Variants in TNR observed in about 807,000 individuals in gnomAD.
TNR encodes tenascin R, also known as tenascin-R.
TNR carries 45 observed loss-of-function variants against 150.4 expected under a neutral mutation model. That is an observed-to-expected ratio of 0.30 (90% CI 0.24 to 0.38). The LOEUF (loss-of-function observed/expected upper bound fraction) is 0.38, where lower values mean the gene tolerates loss of function less well. Ranked by LOEUF, TNR falls within the 10% of genes least tolerant of loss-of-function variation. TNR has a pLI of 1.00. For missense variants in TNR, 1,544 were observed against 1,759.1 expected, an observed-to-expected ratio of 0.88 and a Z score of 2.19; for synonymous variants, 687 against 678.4, an observed-to-expected ratio of 1.01 and a Z score of -0.20.
At chr1:175,404,904 G>C (rs937934627) in intron 3 of TNR, among the ~76,000 whole-genome samples, 1 of 152,210 alleles carries the variant, frequency 6.6e-6, no homozygotes, top group African/African-American at 2.4e-5. Flanking sequence ...TTGGTTATTG[G>C]GAGGAGAAGG....
intron 1 of TNR, among the ~76,000 whole-genome samples, chr1:175,564,696 G>C (rs1041055926): frequency 3.9e-5 from 6 of 152,064 alleles, no homozygotes; most frequent in Non-Finnish European, 8.8e-5. Flanking sequence ...AGGTCAGCTG[G>C]AGACTGGGGC....
chr1:175,492,602 G>A (rs973530793), intron 2 of TNR, among the ~76,000 whole-genome samples: 4 of 152,126 alleles, frequency 2.6e-5, no homozygotes, highest in Admixed American at 2.6e-4. Flanking sequence ...TGATTTTTGG[G>A]GGGCCTGAGA....
At chr1:175,331,176 TC>T (rs1203963134) in intron 20 of TNR, among the ~76,000 whole-genome samples, 7 of 55,394 alleles carry the variant, frequency 1.3e-4, no homozygotes, top group African/African-American at 3.8e-4. Flanking sequence ...CTTCCTTCCT[TC>T]CTTCCTTCCT....
At chr1:175,545,960 A>G (rs572292832) in intron 1 of TNR, among the ~76,000 whole-genome samples, 338 of 152,174 alleles carry the variant, frequency 2.2e-3, no homozygotes, top group African/African-American at 7.6e-3. Context: ...GTGTGCCTCC[A>G]AAGGAGAAAG....
At chr1:175,720,680 T>C (rs1042120665) in intron 1 of TNR, among the ~76,000 whole-genome samples, 3 of 152,210 alleles carry the variant, frequency 2.0e-5, no homozygotes, top group African/African-American at 7.2e-5. Flanking sequence ...TAGATTTTAA[T>C]GTGCAACAAG....
intron 1 of TNR, among the ~76,000 whole-genome samples, chr1:175,685,801 A>C (rs1439678342): frequency 6.6e-6 from 1 of 152,068 alleles, no homozygotes; most frequent in Non-Finnish European, 1.5e-5. Context: ...TTCATTGGGA[A>C]ATAGCTAACA....
At position 175,668,314 on chromosome 1, in the gene TNR, G is replaced by C. The variant is rs114017006; in HGVS notation, c.-165+74912C>G. On this transcript the variant is annotated intron_variant, in intron 1 of 22. Coordinates refer to ENST00000367674, the MANE Select transcript of TNR (RefSeq NM_003285.3). ...CACACGTTTTGGTAGACCTCAGTTT[G>C]AGTGGTCAGGTGGCTTTCAGGGCAG... 2.2e-3 allele frequency among the ~76,000 whole-genome samples: 335 copies of C among 152,296 alleles called. 3 individuals are homozygous for C. The highest frequency in any genetic ancestry group is 7.6e-3 in the African/African-American group (315 of 41,562).
In TNR at chr1:175,730,929, G is replaced by GGT. The variant is rs560068161; in HGVS notation, c.-165+12295_-165+12296dup. Among the ~76,000 whole-genome samples, 23 of 152,220 alleles carry GGT rather than the reference G, an allele frequency of 1.5e-4. No homozygotes were observed. In the East Asian group the frequency reaches 4.4e-3, roughly 29 times the overall value. ...TGCTTCCTTTGCAGTGGACATGCTG[G>GGT]GTGACTCAGGTTCCCAAGATGTCTG... On this transcript the variant is annotated intron_variant, in intron 1 of 22. Coordinates refer to ENST00000367674, the MANE Select transcript of TNR (RefSeq NM_003285.3).
chr1:175,416,547 ATTC>A lies in TNR; in HGVS notation c.-63-9773_-63-9771del, dbSNP rs144964195. On this transcript the variant is annotated intron_variant, in intron 2 of 22. Transcript: ENST00000367674. ...GCATGTCACCATTCACTGTTCAATT[ATTC>A]TTCTTGAAGAGTCATATTACCTTTC... Among the ~76,000 whole-genome samples the A allele has an allele frequency of 3.0e-3, 463 of 152,282 alleles. 2 individuals carry two copies. Among genetic ancestry groups the A allele is most frequent in the African/African-American group, 0.011 (447 of 41,550 alleles).
intron 1 of TNR, among the ~76,000 whole-genome samples, chr1:175,596,392 G>A (rs776422090): frequency 6.6e-6 from 1 of 152,112 alleles, no homozygotes; most frequent in Non-Finnish European, 1.5e-5. Context: ...CATGACGTCT[G>A]CCCTACTTCC....
At chr1:175,382,599 A>T (rs1418984399) in intron 8 of TNR, among the ~76,000 whole-genome samples, 1 of 152,208 alleles carries the variant, frequency 6.6e-6, no homozygotes, top group Non-Finnish European at 1.5e-5. Context: ...TGGGTGTCTT[A>T]AATAATATAA....
intron 1 of TNR, among the ~76,000 whole-genome samples, chr1:175,642,111 T>G (rs1174474207): frequency 1.3e-5 from 2 of 152,080 alleles, no homozygotes; most frequent in Non-Finnish European, 2.9e-5. Flanking sequence ...GGCCTGCAAC[T>G]CAGCCCAAAT....
intron 1 of TNR, among the ~76,000 whole-genome samples, chr1:175,649,789 T>C (rs1463955772): frequency 1.3e-5 from 2 of 152,086 alleles, no homozygotes; most frequent in African/African-American, 2.4e-5. Flanking sequence ...CAGCTGTTTT[T>C]CTACCCTTAC....
At chr1:175,658,167 C>G (rs1372025911) in intron 1 of TNR, among the ~76,000 whole-genome samples, 1 of 152,038 alleles carries the variant, frequency 6.6e-6, no homozygotes, top group East Asian at 1.9e-4. Flanking sequence ...TACTCTCACC[C>G]CCAGACCCTC....
chr1:175,439,449 C>G (rs1655677780), intron 2 of TNR, among the ~76,000 whole-genome samples: 2 of 152,004 alleles, frequency 1.3e-5, no homozygotes, highest in African/African-American at 4.8e-5. Flanking sequence ...CAATACCATT[C>G]AGGACATAGG....
chr1:175,363,566 C>T, intron 13 of TNR, 142 bp downstream of exon 13: 2 of 1,128,304 alleles, frequency 1.8e-6, no homozygotes, highest in East Asian at 2.6e-5. Context: ...GGCTGCTCAC[C>T]AGCCCACTCT....
At chr1:175,486,097 C>T (rs1657999494) in intron 2 of TNR, among the ~76,000 whole-genome samples, 2 of 150,852 alleles carry the variant, frequency 1.3e-5, no homozygotes, top group South Asian at 4.2e-4. Context: ...AACTGTTCCA[C>T]CTCAGAACAT....
chr1:175,435,835 G>A (rs1655484145), intron 2 of TNR, among the ~76,000 whole-genome samples: 1 of 152,134 alleles, frequency 6.6e-6, no homozygotes, highest in South Asian at 2.1e-4. Flanking sequence ...CAGTTCTGGT[G>A]GTGACAAAAT....
At chr1:175,604,543 C>A (rs1435575830) in intron 1 of TNR, among the ~76,000 whole-genome samples, 1 of 152,176 alleles carries the variant, frequency 6.6e-6, no homozygotes, top group Non-Finnish European at 1.5e-5. Flanking sequence ...TTGCCCGATG[C>A]TATCTTGCTG....
Sources: gnomAD v4.1 joint callset for allele counts (sites outside exome capture counted in the v4.1 genomes callset) on GRCh38, gnomAD v4.1.1 for gene constraint, MANE v1.5 for transcripts, NCBI Gene and HGNC (gene_info 2026-07-23, HGNC 2026-07-21) for gene names.